AP1G2: variants seen among roughly 807,000 people sequenced by gnomAD.
AP1G2 encodes the protein adaptor related protein complex 1 subunit gamma 2.
AP1G2 carries 85 observed loss-of-function variants against 95.8 expected under a neutral mutation model. The observed-to-expected ratio is 0.89, with a 90% CI of 0.74 to 1.06. The LOEUF (loss-of-function observed/expected upper bound fraction) is 1.06. AP1G2 is among the 50% of genes least tolerant of loss of function. The pLI is 0.00. For synonymous variants in AP1G2, 378 were observed against 400.0 expected, an observed-to-expected ratio of 0.94 and a Z score of 0.66; for missense variants, 967 against 1,005.8, an observed-to-expected ratio of 0.96 and a Z score of 0.52.
At chr14:23,562,866 G>T in intron 14 of AP1G2, 1 of 524,274 alleles carries the variant, frequency 1.9e-6, no homozygotes, top group Non-Finnish European at 3.2e-6. Flanking sequence ...TGGGGGGTTG[G>T]AGGAGTGGGG....
At chr14:23,565,306 C>T (rs1887285780) in intron 7 of AP1G2, 107 bp from the exon 8 acceptor site, 2 of 1,155,338 alleles carry the variant, frequency 1.7e-6, no homozygotes, top group Admixed American at 2.0e-5. Context: ...TCCCTAGAGC[C>T]TTCCCCCACC....
rs1462770262 is a variant in AP1G2, at chr14:23,560,272, G to A, written c.2140C>T (p.Gln714Ter). ...SEGDVTHFICQAAVPKSLQLQ... is the reference protein window; with the variant it reads ...SEGDVTHFIC ...TTACAAACCTTGGGCACAGCAGCCTGGCAGATGAAATGGGTGACATCACCC... is the reference window on the plus strand; with the variant it reads ...TTACAAACCTTGGGCACAGCAGCCTAGCAGATGAAATGGGTGACATCACCC... Residue 714 changes from glutamine (Q) to a stop codon, truncating the protein, a stop_gained, in exon 20 of 22, where the codon CAG (glutamine) becomes TAG (stop). Coordinates refer to ENST00000397120, the MANE Select transcript of AP1G2 (RefSeq NM_003917.5). LOFTEE classifies it high-confidence loss of function. 1.9e-6 allele frequency: 3 copies of A among 1,613,622 alleles called. No homozygotes were observed. Among genetic ancestry groups the A allele is most frequent in the Non-Finnish European group, 2.5e-6 (3 of 1,180,042 alleles).
rs146088258 is a variant in AP1G2 at position 23,564,582 on chromosome 14, G to A, written c.901C>T (p.Arg301Cys). The A allele has an allele frequency of 6.6e-5, 106 of 1,613,444 alleles. 1 individual carries two copies. The African/African-American group carries it at 8.9e-4, about 14-fold the overall frequency. The change falls in exon 9 of 22, where the codon CGC becomes TGC. Residue 301 changes from arginine (R) to cysteine (C), a missense_variant. Coordinates refer to ENST00000397120, the MANE Select transcript of AP1G2 (RefSeq NM_003917.5). ...FETVLTIMDI[R>C]SAAGLRVLAV... ...GATACCCGTAGGCCAGCTGCAGAGC[G>A]GATATCCATGATGGTGAGTACTGTC...
chr14:23,567,766 T>C lies in AP1G2; in HGVS notation c.-33A>G. The C allele has an allele frequency of 4.0e-6, 4 of 1,004,732 alleles. No homozygotes were observed. Among genetic ancestry groups the C allele is most frequent in the Non-Finnish European group, 4.8e-6 (4 of 842,048 alleles). 62.2% of individuals were successfully genotyped at this position (1,004,732 alleles called of 1,614,324 possible). A position where few individuals can be genotyped will look rare whatever the true frequency, so the allele number is the denominator to read the frequency against. On this transcript the variant is annotated 5_prime_UTR_variant, in exon 1 of 22. Coordinates refer to ENST00000397120, the MANE Select transcript of AP1G2 (RefSeq NM_003917.5). This position sits in a 1 kb window ranked among gnomAD's most constrained non-coding sequence, Gnocchi z 5.3. ...GGCTTCTGCCTCAACTCCGCTCCTC[T>C]GCCCCCCAGCGCTTCCTGGTACGGG... is the stretch of plus-strand genomic sequence containing the variant.
intron 14 of AP1G2, 173 bp from the exon 15 acceptor site, chr14:23,562,766 G>GAA: frequency 3.1e-6 from 2 of 636,458 alleles, no homozygotes; most frequent in Non-Finnish European, 5.2e-6. Flanking sequence ...AAGAGAGAGA[G>GAA]AGAAAGAAAG....
chr14:23,562,415 C>T lies in AP1G2; in HGVS notation c.1501G>A (p.Val501Met). The T allele has an allele frequency of 6.2e-7, 1 of 1,614,196 alleles. No individual in the cohort carries two copies. Among genetic ancestry groups the T allele is most frequent in the Non-Finnish European group, 8.5e-7 (1 of 1,180,014 alleles). The change falls in exon 16 of 22, where the codon GTG becomes ATG. Residue 501 changes from valine to methionine, a missense_variant and splice_region_variant. Coordinates refer to ENST00000397120, the MANE Select transcript of AP1G2 (RefSeq NM_003917.5). ...GNCEEIEPLQ[V>M]DEEEVLALLE... ...AATGCCAGCACTTCCTCTTCGTCCA[C>T]CTTCAGACATGGATACAGTTAGTGG...
intron 13 of AP1G2, 21 bp from the exon 14 acceptor site, chr14:23,563,523 C>G: frequency 6.2e-7 from 1 of 1,614,214 alleles, no homozygotes; most frequent in Admixed American, 1.7e-5. Flanking sequence ...TGGGCATGGC[C>G]AAGTCAGTGT....
chr14:23,567,043 G>A lies in AP1G2; in HGVS notation c.204+68C>T, dbSNP rs904097779. On this transcript the variant is annotated intron_variant, in intron 2 of 21. Transcript: ENST00000397120. This position sits in a 1 kb window ranked among gnomAD's most constrained non-coding sequence, Gnocchi z 5.3. ...TTAAAAAACCAGGGCATAAACAGGT[G>A]AGAGAGTCTGGGACTCTGCCCCACT... 2.7e-6 allele frequency: 4 copies of A among 1,496,208 alleles called. No homozygotes were observed. Among genetic ancestry groups the A allele is most frequent in the East Asian group, 2.3e-5 (1 of 43,424 alleles). 92.7% of individuals were successfully genotyped at this position (1,496,208 alleles called of 1,614,324 possible). A position where few individuals can be genotyped will look rare whatever the true frequency, so the allele number is the denominator to read the frequency against.
rs1328113230 is a variant in AP1G2, at chr14:23,560,286, G to A, written c.2126C>T (p.Thr709Ile). The A allele has an allele frequency of 6.2e-7, 1 of 1,613,786 alleles. No individual in the cohort carries two copies. Among genetic ancestry groups the A allele is most frequent in the Non-Finnish European group, 8.5e-7 (1 of 1,180,032 alleles). ...TATNFSEGDV[T>I]HFICQAAVPK... ...CACAGCAGCCTGGCAGATGAAATGG[G>A]TGACATCACCCTCTGAGAAGTTGGT... The change falls in exon 20 of 22, where the codon ACC becomes ATC. Residue 709 changes from threonine to isoleucine, a missense_variant. By Grantham distance (89) the Thr-to-Ile change is moderately conservative. Coordinates refer to ENST00000397120, the MANE Select transcript of AP1G2 (RefSeq NM_003917.5).
At position 23,564,033 on chromosome 14, in the gene AP1G2, T is replaced by C; in HGVS notation, c.1091+13A>G. 1 of 1,613,764 alleles carries C rather than the reference T, an allele frequency of 6.2e-7. No homozygotes were observed. The highest frequency in any genetic ancestry group is 8.5e-7 in the Non-Finnish European group (1 of 1,179,928). On this transcript the variant is annotated intron_variant, in intron 11 of 21. Transcript: ENST00000397120. The stretch of plus-strand genomic sequence containing the variant: ...CTCTGCCCTGCCCTCCTGTCCCCTC[T>C]ATCACTGCTCACCGGCTGAGGGAGG...
chr14:23,563,979 T>A (rs1174014549), intron 11 of AP1G2, 67 bp downstream of exon 11: 1 of 1,608,340 alleles, frequency 6.2e-7, no homozygotes, highest in Non-Finnish European at 8.5e-7. Flanking sequence ...CTAAACTGGC[T>A]CGAGTCTTGG....
rs376856653 is a variant in AP1G2 at position 23,565,907 on chromosome 14, G to A, written c.569-15C>T. 5 of 1,597,322 alleles carry A rather than the reference G, an allele frequency of 3.1e-6. No homozygotes were observed. Among genetic ancestry groups the A allele is most frequent in the Non-Finnish European group, 3.4e-6 (4 of 1,173,988 alleles). Reference sequence around the variant, plus strand: ...CAGCAGGATGCCTGGGGTCAGCGTCGGGGAAGTGAATGGTGGGGGCCAGGG... The same window carrying A: ...CAGCAGGATGCCTGGGGTCAGCGTCAGGGAAGTGAATGGTGGGGGCCAGGG... On this transcript the variant is annotated splice_polypyrimidine_tract_variant and intron_variant, in intron 5 of 21. Coordinates refer to ENST00000397120, the MANE Select transcript of AP1G2 (RefSeq NM_003917.5).
chr14:23,563,912 T>G, intron 11 of AP1G2, 56 bp from the exon 12 acceptor site: 1 of 1,602,292 alleles, frequency 6.2e-7, no homozygotes, highest in Admixed American at 1.7e-5. Flanking sequence ...GGTCCATGCC[T>G]CAGGCCCTCT....
In AP1G2 at chr14:23,567,743, C is replaced by T. The variant is rs1280909137; in HGVS notation, c.-10G>A. ...ACCCCAGGACTCCAGCCTCACCTGG[C>T]TTCTGCCTCAACTCCGCTCCTCTGC... On this transcript the variant is annotated 5_prime_UTR_variant, in exon 1 of 22. Transcript: ENST00000397120. The surrounding 1 kb of genome is among the most constrained non-coding windows in gnomAD (Gnocchi z 5.3). The T allele has an allele frequency of 5.0e-6, 5 of 998,168 alleles. No homozygotes were observed. The East Asian group carries it at 4.6e-4, about 92-fold the overall frequency. The allele number at this position is 998,168 out of a possible 1,614,324, so 61.8% of individuals were successfully genotyped here. A position where few individuals can be genotyped will look rare whatever the true frequency, so the allele number is the denominator to read the frequency against.
rs1023263491 is a variant in AP1G2, at chr14:23,567,557, G to A, written c.-6+182C>T. The A allele has an allele frequency of 1.7e-5, 22 of 1,317,200 alleles. No individual in the cohort carries two copies. In the African/African-American group the frequency reaches 3.4e-4, roughly 20 times the overall value. 81.6% of individuals were successfully genotyped at this position (1,317,200 alleles called of 1,614,324 possible). A position where few individuals can be genotyped will look rare whatever the true frequency, so the allele number is the denominator to read the frequency against. On this transcript the variant is annotated intron_variant, in intron 1 of 21. Transcript: ENST00000397120. The surrounding 1 kb of genome is among the most constrained non-coding windows in gnomAD (Gnocchi z 5.3). ...CGCCCCTTCCTATTGAGCATGCGCG[G>A]GAGCCCCACCTATTTCTCTCTACCG...
In AP1G2 at chr14:23,565,803, T is replaced by C. The variant is rs1392216439; in HGVS notation, c.645+13A>G. 1 of 1,589,460 alleles carries C rather than the reference T, an allele frequency of 6.3e-7. No homozygotes were observed. The highest frequency in any genetic ancestry group is 2.2e-5 in the East Asian group (1 of 44,672). On this transcript the variant is annotated intron_variant, in intron 6 of 21. Transcript: ENST00000397120. ...GTCTTCCAGGCCCAGGGCCTGCCCC[T>C]TCACCAGCCCACCTTTCGGAAGTGC...
rs1250921748 is a variant in AP1G2, at chr14:23,567,258, C to T, written c.57G>A (p.Lys19=). ...QDLIEEIRGA[K]TQAQEREVIQ... is the part of the protein sequence containing the mutation. ...TCACCTCCCGCTCCTGGGCCTGAGT[C>T]TTGGCCCCGCGAATCTCTTCGATGA... Residue 19 remains lysine, a synonymous_variant, in exon 2 of 22, where the codon AAG becomes AAA. Transcript: ENST00000397120. The surrounding 1 kb of genome is among the most constrained non-coding windows in gnomAD (Gnocchi z 5.3). 1 of 1,613,000 alleles carries T rather than the reference C, an allele frequency of 6.2e-7. No individual in the cohort carries two copies. The highest frequency in any genetic ancestry group is 8.5e-7 in the Non-Finnish European group (1 of 1,179,590).
rs1192178097 is a variant in AP1G2 at position 23,559,843 on chromosome 14, A to AG, written c.2263dup (p.Leu755ProfsTer21). 11 of 1,613,934 alleles carry AG rather than the reference A, an allele frequency of 6.8e-6. No homozygotes were observed. The highest frequency in any genetic ancestry group is 9.3e-6 in the Non-Finnish European group (11 of 1,180,006). ...GTAGGTGAGGCGCAGCTTTAGCCGCAGGGGGGCCTAGGAATAGGAGAGCAG... is the reference window on the plus strand; with the variant it reads ...GTAGGTGAGGCGCAGCTTTAGCCGCAGGGGGGGCCTAGGAATAGGAGAGCAG... On this transcript the variant is annotated frameshift_variant, in exon 22 of 22. Transcript: ENST00000397120. LOFTEE classifies it high-confidence loss of function.
chr14:23,565,510 G>A, intron 7 of AP1G2, 96 bp downstream of exon 7: 2 of 1,112,740 alleles, frequency 1.8e-6, no homozygotes, highest in Non-Finnish European at 2.6e-6. Context: ...CCAGGACACT[G>A]AGAGAACCAG....
Sources: allele counts gnomAD v4.1 joint callset, GRCh38; gene constraint gnomAD v4.1.1; non-coding constraint Gnocchi (gnomAD v3.1); transcripts MANE v1.5; gene names NCBI Gene and HGNC (gene_info 2026-07-23, HGNC 2026-07-21).